The following PTGES3 variants were observed in gnomAD, a reference collection of about 807,000 sequenced individuals.
PTGES3 encodes the protein prostaglandin E synthase 3, also known as Hsp90 co-chaperone.
A neutral mutation model predicts 29.9 loss-of-function variants in PTGES3; 5 were observed. That is an observed-to-expected ratio of 0.17 (90% CI 0.09 to 0.35). The LOEUF (loss-of-function observed/expected upper bound fraction) is 0.35. Among genes scored for constraint, PTGES3 ranks in the 10% least tolerant of loss-of-function variants. The probability of loss-of-function intolerance (pLI) is 1.00; values close to 1 mark genes in which losing one functional copy is unlikely to be tolerated. For missense variants in PTGES3, 128 were observed against 190.0 expected, an observed-to-expected ratio of 0.67 and a Z score of 1.92; for synonymous variants, 49 against 57.8, an observed-to-expected ratio of 0.85 and a Z score of 0.69.
At chr12:56,685,289 A>G (rs1460416330) in intron 1 of PTGES3, among the ~76,000 whole-genome samples, 3 of 151,820 alleles carry the variant, frequency 2.0e-5, no homozygotes, top group Admixed American at 6.6e-5. Context: ...GGCATATATT[A>G]TTTTTAAAAG....
chr12:56,673,103 T>C, intron 1 of PTGES3, 38 bp from the exon 2 acceptor site: 4 of 1,390,234 alleles, frequency 2.9e-6, no homozygotes, highest in Non-Finnish European at 4.0e-6. Context: ...AAGCTGGAAT[T>C]CATTAACTAA....
At chr12:56,681,162 ACCCCAATCCTATTTCAGACAG>A (rs1175838375) in intron 1 of PTGES3, among the ~76,000 whole-genome samples, 1 of 151,904 alleles carries the variant, frequency 6.6e-6, no homozygotes, top group Non-Finnish European at 1.5e-5. Context: ...GATCTCGTGA[ACCCCAATCCTATTTCAGACAG>A]CCCCAATCCT....
intron 1 of PTGES3, among the ~76,000 whole-genome samples, chr12:56,676,608 C>T (rs1014295136): frequency 5.9e-5 from 9 of 151,936 alleles, no homozygotes; most frequent in African/African-American, 1.9e-4. Context: ...GCTCAAAAGA[C>T]GGAATGTGGA....
rs540901271 is a variant in PTGES3 at position 56,663,637 on chromosome 12, A to T, written c.*842T>A. The T allele has an allele frequency of 6.5e-6, 1 of 152,758 alleles. No homozygotes were observed. Among genetic ancestry groups the T allele is most frequent in the South Asian group, 2.1e-4 (1 of 4,832 alleles). The allele number at this position is 152,758 out of a possible 1,614,324, so 9.5% of individuals were successfully genotyped here. On this transcript the variant is annotated 3_prime_UTR_variant, in exon 8 of 8. Coordinates refer to ENST00000262033, the MANE Select transcript of PTGES3 (RefSeq NM_006601.7). ...TTTATTAGAAAGAATGTAGACATTT[A>T]AAAAAATCCCCACTGTCATGAACAT...
At chr12:56,665,769 T>G (rs1482770090) in intron 6 of PTGES3, 2 of 671,452 alleles carry the variant, frequency 3.0e-6, no homozygotes, top group African/African-American at 2.0e-5. Flanking sequence ...AGCTCACCAG[T>G]AGCTGGGATT....
intron 1 of PTGES3, among the ~76,000 whole-genome samples, chr12:56,683,413 CGGTGAGCCGA>C (rs1168749917): frequency 1.5e-4 from 20 of 130,498 alleles, no homozygotes; most frequent in Non-Finnish European, 1.5e-5. Flanking sequence ...GCGGAGGTTG[CGGTGAGCCGA>C]GACCGTGACA....
chr12:56,670,151 T>C, intron 5 of PTGES3, 124 bp downstream of exon 5: 1 of 633,852 alleles, frequency 1.6e-6, no homozygotes, highest in Non-Finnish European at 2.8e-6. Flanking sequence ...GACTGCAAAA[T>C]GGTCTTAAAA....
intron 1 of PTGES3, among the ~76,000 whole-genome samples, chr12:56,675,004 C>CAA (rs1177350725): frequency 0.04 from 1,280 of 32,296 alleles, 246 homozygotes; most frequent in African/African-American, 0.13. Context: ...AACTCGGTCT[C>CAA]AAAAAAAAAA....
chr12:56,686,854 G>A (rs947954899), intron 1 of PTGES3: 2 of 390,404 alleles, frequency 5.1e-6, no homozygotes, highest in East Asian at 3.6e-5. Context: ...CTTGAATCAA[G>A]CAAATCCTTA....
At chr12:56,683,787 G>A (rs1188022712) in intron 1 of PTGES3, among the ~76,000 whole-genome samples, 2 of 151,174 alleles carry the variant, frequency 1.3e-5, no homozygotes, top group Non-Finnish European at 2.9e-5. Flanking sequence ...GTGAAACCCC[G>A]TCTCTACTAA....
intron 1 of PTGES3, among the ~76,000 whole-genome samples, chr12:56,684,266 A>G (rs1592284493): frequency 6.6e-6 from 1 of 152,220 alleles, no homozygotes; most frequent in East Asian, 1.9e-4. Context: ...TAATTTAGCA[A>G]TAAAACACTG....
chr12:56,664,849 T>TAAC (rs983605000), intron 6 of PTGES3, 49 bp from the exon 7 acceptor site: 2 of 1,588,754 alleles, frequency 1.3e-6, no homozygotes, highest in Non-Finnish European at 1.7e-6. Flanking sequence ...ATTCGTTTGC[T>TAAC]AACTGAACAG....
At chr12:56,678,828 T>G (rs75649165) in intron 1 of PTGES3, among the ~76,000 whole-genome samples, 1,715 of 152,252 alleles carry the variant, frequency 0.011, 96 homozygotes, top group Admixed American at 0.093. Context: ...CACATCAGCA[T>G]GGAATAGGCT....
At chr12:56,680,893 TCA>T (rs1952503401) in intron 1 of PTGES3, among the ~76,000 whole-genome samples, 1 of 151,614 alleles carries the variant, frequency 6.6e-6, no homozygotes, top group East Asian at 2.0e-4. Flanking sequence ...TCCTCCCACC[TCA>T]GTCTCCATGG....
At chr12:56,685,028 A>C (rs1462418779) in intron 1 of PTGES3, among the ~76,000 whole-genome samples, 1 of 152,060 alleles carries the variant, frequency 6.6e-6, no homozygotes, top group Non-Finnish European at 1.5e-5. Context: ...GACTGAGGCA[A>C]GGAGGATCGC....
chr12:56,669,403 C>A (rs1380500563), intron 5 of PTGES3, among the ~76,000 whole-genome samples: 1 of 152,082 alleles, frequency 6.6e-6, no homozygotes, highest in East Asian at 1.9e-4. Flanking sequence ...CCTGCCTCAG[C>A]CTTCTGAGTA....
Position 56,688,167 on chromosome 12 carries a change from C to T in PTGES3, c.-168G>A. The T allele has an allele frequency of 1.6e-6, 2 of 1,265,836 alleles. No homozygotes were observed. Among genetic ancestry groups the T allele is most frequent in the Non-Finnish European group, 2.1e-6 (2 of 970,050 alleles). The allele number at this position is 1,265,836 out of a possible 1,614,324, so 78.4% of individuals were successfully genotyped here. On this transcript the variant is annotated 5_prime_UTR_variant, in exon 1 of 8. Coordinates refer to ENST00000262033, the MANE Select transcript of PTGES3 (RefSeq NM_006601.7). ...GGCAGCGGCGGGCTCGACCTCGGGC[C>T]CCAGAATGCACCGCGCGGAAAGAGC...
chr12:56,670,260 T>C lies in PTGES3; in HGVS notation c.375+15A>G, dbSNP rs1305346838. The C allele has an allele frequency of 1.3e-6, 2 of 1,579,494 alleles. No homozygotes were observed. Among genetic ancestry groups the C allele is most frequent in the African/African-American group, 2.7e-5 (2 of 74,184 alleles). On this transcript the variant is annotated intron_variant, in intron 5 of 7. Transcript: ENST00000262033. ...TGTGCTTCGAATGGGGAGAGGTCCA[T>C]TTAAAGGAACTTACCTCAGAGAAAC... is the stretch of plus-strand genomic sequence containing the variant.
At chr12:56,683,783 C>A (rs1383458032) in intron 1 of PTGES3, among the ~76,000 whole-genome samples, 2 of 151,410 alleles carry the variant, frequency 1.3e-5, no homozygotes, top group East Asian at 3.9e-4. Context: ...CACGGTGAAA[C>A]CCCGTCTCTA....
Sources: gnomAD v4.1 joint callset for allele counts (sites outside exome capture counted in the v4.1 genomes callset) on GRCh38, gnomAD v4.1.1 for gene constraint, MANE v1.5 for transcripts, NCBI Gene and HGNC (gene_info 2026-07-23, HGNC 2026-07-21) for gene names.